Variants in TRIP12 observed in about 807,000 individuals in gnomAD.
The protein encoded by TRIP12 is E3 ubiquitin-protein ligase TRIP12.
TRIP12 carries 25 observed loss-of-function variants against 244.2 expected under a neutral mutation model. That is an observed-to-expected ratio of 0.10 (90% confidence interval 0.07 to 0.14). The LOEUF (loss-of-function observed/expected upper bound fraction) is 0.14, where lower values mean the gene tolerates loss of function less well. Ranked by LOEUF, TRIP12 falls within the 10% of genes least tolerant of loss-of-function variation. TRIP12 has a pLI of 1.00. For synonymous variants in TRIP12, 905 were observed against 873.1 expected, an observed-to-expected ratio of 1.04 and a Z score of -0.64; for missense variants, 1,677 against 2,486.4, an observed-to-expected ratio of 0.67 and a Z score of 6.92.
rs572920421 is a variant in TRIP12, at chr2:229,806,041, C to CA, written c.2497-159dup. On this transcript the variant is annotated intron_variant, in intron 17 of 41. Transcript: ENST00000675903. Reference sequence around the variant, plus strand: ...AGATGGAATAATAGTGTAGATATGACAAAACTCATTCATTCAACAAATCAT... The same window carrying CA: ...AGATGGAATAATAGTGTAGATATGACAAAAACTCATTCATTCAACAAATCAT... 27 of 529,918 alleles carry CA rather than the reference C, an allele frequency of 5.1e-5. No homozygotes were observed. The East Asian group carries it at 7.5e-4, about 15-fold the overall frequency. The allele number at this position is 529,918 out of a possible 1,614,324, so 32.8% of individuals were successfully genotyped here. A position where few individuals can be genotyped will look rare whatever the true frequency, so the allele number is the denominator to read the frequency against.
intron 31 of TRIP12, 145 bp from the exon 32 acceptor site, chr2:229,789,085 A>G (rs1383578344): frequency 1.4e-6 from 1 of 730,214 alleles, no homozygotes; most frequent in Non-Finnish European, 2.2e-6. Context: ...GCCTCTCATT[A>G]CTGTGTCCCA....
At position 229,808,392 on chromosome 2, in the gene TRIP12, A is replaced by C. The variant is rs2046402915; in HGVS notation, c.2222-23T>G. The C allele has an allele frequency of 3.9e-6, 6 of 1,547,512 alleles. No homozygotes were observed. The East Asian group carries it at 1.3e-4, about 35-fold the overall frequency. On this transcript the variant is annotated intron_variant, in intron 15 of 41. Transcript: ENST00000675903. Reference sequence around the variant, plus strand: ...TGTCTGTAAAAACCAACAACAAAAAACAAAAGGCTATTAAACTAGTTATAC... The same window carrying C: ...TGTCTGTAAAAACCAACAACAAAAACCAAAAGGCTATTAAACTAGTTATAC...
At chr2:229,922,682 G>A (rs1486738908), upstream of TRIP12, 1 of 1,511,796 alleles carries the variant, frequency 6.6e-7, no homozygotes, top group Non-Finnish European at 9.1e-7. Context: ...GACGCAGGCT[G>A]TGCTAGGCCA....
intron 1 of TRIP12, among the ~76,000 whole-genome samples, chr2:229,896,811 T>A (rs1249771950): frequency 1.3e-5 from 2 of 152,184 alleles, no homozygotes; most frequent in Non-Finnish European, 2.9e-5. Context: ...AGCTGGTGTA[T>A]CTAAAAAAGA....
chr2:229,784,382 T>C (rs1010223796), intron 34 of TRIP12, among the ~76,000 whole-genome samples: 3 of 149,876 alleles, frequency 2.0e-5, no homozygotes, highest in Non-Finnish European at 3.0e-5. Flanking sequence ...AATATATATA[T>C]ATATAAATTA....
At chr2:229,830,009 T>G (rs991518222) in intron 7 of TRIP12, among the ~76,000 whole-genome samples, 12 of 152,202 alleles carry the variant, frequency 7.9e-5, no homozygotes, top group African/African-American at 2.7e-4. Context: ...GAGATACTTG[T>G]ATGTTCCCTC....
chr2:229,920,518 T>G lies in TRIP12; in HGVS notation c.-50+1362A>C, dbSNP rs758271597. Reference sequence around the variant, plus strand: ...CACACAAACACATTCCCTCCCCCAATTAACTAAAGAAGCAATTAAACTATG... The same window carrying G: ...CACACAAACACATTCCCTCCCCCAAGTAACTAAAGAAGCAATTAAACTATG... On this transcript the variant is annotated intron_variant, in intron 1 of 41. Transcript: ENST00000675903. 1.9e-4 allele frequency among the ~76,000 whole-genome samples: 29 copies of G among 151,382 alleles called. 1 individual carries two copies. The highest frequency in any genetic ancestry group is 6.6e-5 in the Admixed American group (1 of 15,200).
chr2:229,900,478 C>T (rs777314705), intron 1 of TRIP12, among the ~76,000 whole-genome samples: 2 of 152,150 alleles, frequency 1.3e-5, no homozygotes, highest in Non-Finnish European at 2.9e-5. Context: ...CAGTCCCATA[C>T]TACAGATGAT....
intron 4 of TRIP12, among the ~76,000 whole-genome samples, chr2:229,857,063 T>A (rs1267949159): frequency 1.3e-5 from 2 of 152,170 alleles, no homozygotes; most frequent in Admixed American, 1.3e-4. Context: ...CAGTGTTAAA[T>A]TAAACAGAGC....
At chr2:229,845,538 A>G (rs561399260) in intron 4 of TRIP12, among the ~76,000 whole-genome samples, 6 of 152,364 alleles carry the variant, frequency 3.9e-5, no homozygotes, top group Middle Eastern at 3.4e-3. Context: ...TGAGGGGGAA[A>G]AAAAACCACG....
intron 1 of TRIP12, among the ~76,000 whole-genome samples, chr2:229,915,319 A>G: frequency 6.6e-6 from 1 of 152,220 alleles, no homozygotes; most frequent in East Asian, 1.9e-4. Context: ...ATGGTCAATT[A>G]AAGAGTAACA....
chr2:229,919,287 G>C (rs369258948), intron 1 of TRIP12, among the ~76,000 whole-genome samples: 1 of 151,988 alleles, frequency 6.6e-6, no homozygotes, highest in Non-Finnish European at 1.5e-5. Flanking sequence ...GTGGTGGCGC[G>C]TGCCTGTAAT....
chr2:229,860,341 A>G, intron 3 of TRIP12, 65 bp downstream of exon 3: 2 of 1,540,676 alleles, frequency 1.3e-6, no homozygotes, highest in Non-Finnish European at 1.8e-6. Context: ...AAGTTTTAAC[A>G]TTATGCAATG....
At chr2:229,794,957 C>G in intron 26 of TRIP12, 1 of 363,764 alleles carries the variant, frequency 2.7e-6, no homozygotes, top group Non-Finnish European at 4.8e-6. Context: ...AATACAATCA[C>G]TGGATTATAT....
At chr2:229,864,032 G>GAGAGAGAGAA (rs1282346656) in intron 2 of TRIP12, among the ~76,000 whole-genome samples, 38 of 137,502 alleles carry the variant, frequency 2.8e-4, no homozygotes, top group Admixed American at 6.3e-4. Flanking sequence ...GAGAGAGAGA[G>GAGAGAGAGAA]AGAGAGAGAG....
intron 16 of TRIP12, 79 bp downstream of exon 16, chr2:229,808,173 G>T: frequency 9.6e-7 from 1 of 1,038,206 alleles, no homozygotes; most frequent in Non-Finnish European, 1.5e-6. Flanking sequence ...TCATCATGTT[G>T]GCCAGGCTGG....
rs201122894 is a variant in TRIP12 at position 229,829,207 on chromosome 2, A to G, written c.1436T>C (p.Ile479Thr). The change falls in exon 8 of 42, where the codon ATT becomes ACT. Residue 479 changes from isoleucine to threonine, a missense_variant. Ile to Thr is a moderately conservative substitution (Grantham distance 89). This residue lies in a region of TRIP12 where 143 missense variants were observed against 215.6 expected (regional missense o/e 0.66). Coordinates refer to ENST00000675903, the MANE Select transcript of TRIP12 (RefSeq NM_001348323.3). ...TTTTTACTTACTAGCTCCACTTCCA[A>G]TTGTTCTATGGAAAAGCTGTGACAT... ...PRMSQLFHRT[I>T]GSGASSKAQQ... 6.2e-6 allele frequency: 10 copies of G among 1,613,848 alleles called. No homozygotes were observed. The highest frequency in any genetic ancestry group is 8.5e-7 in the Non-Finnish European group (1 of 1,179,942).
At chr2:229,845,964 A>G (rs897292469) in intron 4 of TRIP12, among the ~76,000 whole-genome samples, 2 of 150,128 alleles carry the variant, frequency 1.3e-5, no homozygotes, top group African/African-American at 4.9e-5. Flanking sequence ...AGCTATGATC[A>G]CACCACTGCG....
chr2:229,784,300 G>A (rs931700642), intron 34 of TRIP12, among the ~76,000 whole-genome samples: 1 of 151,118 alleles, frequency 6.6e-6, no homozygotes, highest in African/African-American at 2.4e-5. Context: ...ATAGGAAAAA[G>A]AACGGTCTTT....
Sources: allele counts gnomAD v4.1 joint callset (sites outside exome capture counted in the v4.1 genomes callset), GRCh38; gene constraint gnomAD v4.1.1; regional missense constraint gnomAD v4.1.1; transcripts MANE v1.5; gene names NCBI Gene and HGNC (gene_info 2026-07-23, HGNC 2026-07-21).